PTPRG: variants seen among roughly 807,000 people sequenced by gnomAD.
PTPRG encodes receptor-type tyrosine-protein phosphatase gamma.
Under a neutral mutation model 165.3 loss-of-function variants are expected in PTPRG, and 102 were observed. The observed-to-expected ratio is 0.62, with a 90% CI of 0.53 to 0.73. The LOEUF (loss-of-function observed/expected upper bound fraction) is 0.73, where lower values mean the gene tolerates loss of function less well. PTPRG is among the 30% of genes least tolerant of loss of function. The probability of loss-of-function intolerance (pLI) is 0.00; values close to 1 mark genes in which losing one functional copy is unlikely to be tolerated. For synonymous variants in PTPRG, 675 were observed against 669.5 expected (o/e 1.01, Z -0.13); for missense variants, 1,866 against 1,861.4 (o/e 1.00, Z -0.05).
chr3:61,877,457 T>C (rs1295640722), intron 2 of PTPRG, among the ~76,000 whole-genome samples: 1 of 152,058 alleles, frequency 6.6e-6, no homozygotes, highest in African/African-American at 2.4e-5. Flanking sequence ...CAAAGGTGCC[T>C]ACATGTGGTT....
rs1422573568 is a variant in PTPRG, at chr3:61,816,943, T to A, written c.190+67961T>A. On this transcript the variant is annotated intron_variant, in intron 2 of 29. Coordinates refer to ENST00000474889, the MANE Select transcript of PTPRG (RefSeq NM_002841.4). ...AATGAAATATAATGCTATGAAGCTTTTTGGTAGTACCTGAGAGTTTCAGTA... is the reference window on the plus strand; with the variant it reads ...AATGAAATATAATGCTATGAAGCTTATTGGTAGTACCTGAGAGTTTCAGTA... Among the ~76,000 whole-genome samples the A allele has an allele frequency of 2.8e-5, 4 of 144,474 alleles. No homozygotes were observed. The Admixed American group carries it at 2.9e-4, about 11-fold the overall frequency. 94.8% of individuals were successfully genotyped at this position (144,474 alleles called of 152,430 possible).
chr3:62,192,072 T>C (rs1204343723), intron 9 of PTPRG, among the ~76,000 whole-genome samples: 1 of 152,140 alleles, frequency 6.6e-6, no homozygotes, highest in Non-Finnish European at 1.5e-5. Flanking sequence ...ATTCTCCTCT[T>C]CCTCTTCCCC....
intron 3 of PTPRG, among the ~76,000 whole-genome samples, chr3:61,999,357 G>A (rs1325955279): frequency 6.6e-6 from 1 of 152,106 alleles, no homozygotes. Flanking sequence ...TGGGGATCTC[G>A]TTTTGAAGTG....
chr3:61,885,879 G>C (rs1036359716), intron 2 of PTPRG, among the ~76,000 whole-genome samples: 4 of 149,862 alleles, frequency 2.7e-5, no homozygotes, highest in African/African-American at 9.9e-5. Context: ...CTTGGGACCT[G>C]TTTAATACAG....
chr3:61,606,170 G>A (rs1225926242), intron 1 of PTPRG, among the ~76,000 whole-genome samples: 1 of 152,238 alleles, frequency 6.6e-6, no homozygotes, highest in Non-Finnish European at 1.5e-5. Flanking sequence ...AGCCAGGGCT[G>A]TGATCTCATC....
chr3:61,593,619 T>C (rs780509478), intron 1 of PTPRG, among the ~76,000 whole-genome samples: 2 of 151,888 alleles, frequency 1.3e-5, no homozygotes, highest in African/African-American at 2.4e-5. Flanking sequence ...CATTTACTTA[T>C]CAGCTCTTGT....
intron 2 of PTPRG, among the ~76,000 whole-genome samples, chr3:61,886,571 C>G (rs75056726): frequency 6.6e-6 from 1 of 152,090 alleles, no homozygotes; most frequent in African/African-American, 2.4e-5. Context: ...CCCTTGCCAC[C>G]TCCACTGCTG....
chr3:61,980,533 A>T (rs917878996), intron 2 of PTPRG, among the ~76,000 whole-genome samples: 1 of 152,192 alleles, frequency 6.6e-6, no homozygotes, highest in Non-Finnish European at 1.5e-5. Context: ...ATTTTTATAT[A>T]TTCCATCCAG....
chr3:61,861,594 A>G (rs535286766), intron 2 of PTPRG, among the ~76,000 whole-genome samples: 1 of 152,298 alleles, frequency 6.6e-6, no homozygotes, highest in Admixed American at 6.5e-5. Context: ...GTTCTCTGCT[A>G]TTGGCAAAGT....
At chr3:61,679,151 A>G (rs1703338814) in intron 1 of PTPRG, among the ~76,000 whole-genome samples, 1 of 152,232 alleles carries the variant, frequency 6.6e-6, no homozygotes, top group African/African-American at 2.4e-5. Flanking sequence ...ATGGCTGTAC[A>G]TACAAACTCC....
rs1237811370 is a variant in PTPRG, at chr3:62,222,069, C to T, written c.2288+3086C>T. Reference sequence around the variant, plus strand: ...CACATTCTTTGACCAAGGAAGAGAACGAGAACTCACATTTGTTGAAAGCCT... The same window carrying T: ...CACATTCTTTGACCAAGGAAGAGAATGAGAACTCACATTTGTTGAAAGCCT... On this transcript the variant is annotated intron_variant, in intron 13 of 29. Coordinates refer to ENST00000474889, the MANE Select transcript of PTPRG (RefSeq NM_002841.4). This position sits in a 1 kb window ranked among gnomAD's most constrained non-coding sequence, Gnocchi z 4.5. 6.6e-6 allele frequency among the ~76,000 whole-genome samples: 1 copy of T among 152,208 alleles called. No individual in the cohort carries two copies. Among genetic ancestry groups the T allele is most frequent in the African/African-American group, 2.4e-5 (1 of 41,456 alleles).
chr3:62,100,080 T>G (rs760124671), intron 5 of PTPRG, among the ~76,000 whole-genome samples: 1 of 151,998 alleles, frequency 6.6e-6, no homozygotes, highest in African/African-American at 2.4e-5. Context: ...CTTTTAATAA[T>G]GTAATTTTTA....
chr3:61,834,468 G>A (rs911880316), intron 2 of PTPRG, among the ~76,000 whole-genome samples: 1 of 152,100 alleles, frequency 6.6e-6, no homozygotes, highest in African/African-American at 2.4e-5. Context: ...GGCTGAGGTG[G>A]GAGGATCGCT....
chr3:62,191,369 T>C (rs893108700), intron 8 of PTPRG, 100 bp from the exon 9 acceptor site: 16 of 1,062,742 alleles, frequency 1.5e-5, no homozygotes, highest in Non-Finnish European at 2.0e-5. Context: ...GTGCTTCCTG[T>C]ATTACTCTTT....
intron 2 of PTPRG, among the ~76,000 whole-genome samples, chr3:61,751,954 A>G (rs568848113): frequency 3.6e-4 from 55 of 152,154 alleles, no homozygotes; most frequent in Middle Eastern, 6.8e-3. Flanking sequence ...GATTGCGCCC[A>G]CTGCACTCCA....
chr3:61,805,530 CAAAAAAA>C (rs58646519), intron 2 of PTPRG, among the ~76,000 whole-genome samples: 23 of 96,534 alleles, frequency 2.4e-4, no homozygotes, highest in Non-Finnish European at 2.5e-4. Context: ...ATGGGAAAGA[CAAAAAAA>C]AAAAAAAAAA....
At chr3:61,951,078 C>T (rs963794103) in intron 2 of PTPRG, among the ~76,000 whole-genome samples, 4 of 152,156 alleles carry the variant, frequency 2.6e-5, no homozygotes, top group Non-Finnish European at 4.4e-5. Context: ...GTAAATTGCC[C>T]CCTAGCTCTT....
intron 2 of PTPRG, among the ~76,000 whole-genome samples, chr3:61,989,331 T>C (rs2040831155): frequency 6.6e-6 from 1 of 152,212 alleles, no homozygotes; most frequent in Admixed American, 6.5e-5. Context: ...ATTTAAAAAT[T>C]GTCAGAAATA....
At chr3:62,239,609 C>T (rs778110634) in intron 14 of PTPRG, among the ~76,000 whole-genome samples, 10 of 152,026 alleles carry the variant, frequency 6.6e-5, no homozygotes, top group Non-Finnish European at 1.3e-4. Flanking sequence ...ATCCACCCAC[C>T]TCGGCCTCCC....
Sources: allele counts gnomAD v4.1 joint callset (sites outside exome capture counted in the v4.1 genomes callset), GRCh38; gene constraint gnomAD v4.1.1; non-coding constraint Gnocchi (gnomAD v3.1); transcripts MANE v1.5; gene names NCBI Gene and HGNC (gene_info 2026-07-23, HGNC 2026-07-21).